DYNC2I1: variants seen among roughly 807,000 people sequenced by gnomAD.
DYNC2I1 encodes the protein cytoplasmic dynein 2 intermediate chain 1.
Under a neutral mutation model 133.4 loss-of-function variants are expected in DYNC2I1, and 89 were observed. The observed-to-expected ratio is 0.67, with a 90% CI of 0.56 to 0.80. The LOEUF (loss-of-function observed/expected upper bound fraction) is 0.80. DYNC2I1 is among the 30% of genes least tolerant of loss of function. The pLI, the probability that DYNC2I1 is intolerant of heterozygous loss-of-function variation, is 0.00. For missense variants in DYNC2I1, 1,291 were observed against 1,314.5 expected, an observed-to-expected ratio of 0.98 and a Z score of 0.28; for synonymous variants, 504 against 484.3, an observed-to-expected ratio of 1.04 and a Z score of -0.54.
At chr7:158,855,735 G>A (rs1281400715), upstream of DYNC2I1, among the ~76,000 whole-genome samples, 4 of 152,128 alleles carry the variant, frequency 2.6e-5, no homozygotes, top group Admixed American at 2.0e-4. Context: ...TTGAAAAGGC[G>A]GTTTCAGGCT....
At chr7:158,877,251 C>T (rs1164200201) in intron 4 of DYNC2I1, among the ~76,000 whole-genome samples, 5 of 146,720 alleles carry the variant, frequency 3.4e-5, no homozygotes, top group African/African-American at 1.3e-4. Flanking sequence ...ATTGGTGTTC[C>T]GCGGCGCGGG....
intron 1 of DYNC2I1, among the ~76,000 whole-genome samples, chr7:158,867,693 T>C (rs1295720062): frequency 1.3e-5 from 2 of 152,002 alleles, no homozygotes; most frequent in Non-Finnish European, 2.9e-5. Context: ...CTCTGAAGGT[T>C]GCGTTGGGCT....
chr7:158,860,319 A>C (rs1332837552), intron 1 of DYNC2I1, among the ~76,000 whole-genome samples: 2 of 152,220 alleles, frequency 1.3e-5, no homozygotes, highest in African/African-American at 4.8e-5. Flanking sequence ...TCAGTCTCCC[A>C]AAGTGCTGGG....
At chr7:158,857,278 C>T (rs1463997128) in intron 1 of DYNC2I1, among the ~76,000 whole-genome samples, 2 of 152,058 alleles carry the variant, frequency 1.3e-5, no homozygotes, top group Non-Finnish European at 2.9e-5. Flanking sequence ...ATAATAGCAA[C>T]ATTATAGGGT....
At chr7:158,900,807 A>G (rs1366324159) in intron 8 of DYNC2I1, among the ~76,000 whole-genome samples, 2 of 142,428 alleles carry the variant, frequency 1.4e-5, no homozygotes, top group East Asian at 4.2e-4. Flanking sequence ...TTGAGGTATC[A>G]TCAAGCACAG....
Position 158,942,145 on chromosome 7 carries a change from A to G in DYNC2I1, c.2999A>G (p.Asn1000Ser), listed in dbSNP as rs749324450. ...GPVAKQQVSPNRLVAMAAVGE... is the reference protein window; with the variant it reads ...GPVAKQQVSPSRLVAMAAVGE... The stretch of plus-strand genomic sequence containing the variant: ...GTCGCCAAACAGCAGGTCTCCCCCA[A>G]CAGGCAAGTGGGGAAGCTCTGGACC... The change falls in exon 24 of 25, where the codon AAC becomes AGC. Residue 1000 changes from asparagine (N) to serine (S), a missense_variant. Physicochemically the swap from Asn to Ser is conservative, Grantham distance 46. Transcript: ENST00000407559. 6.5e-6 allele frequency: 10 copies of G among 1,542,562 alleles called. No individual in the cohort carries two copies. The highest frequency in any genetic ancestry group is 1.2e-5 in the South Asian group (1 of 80,138).
At chr7:158,916,934 G>C (rs71547578) in intron 14 of DYNC2I1, among the ~76,000 whole-genome samples, 11 of 47,546 alleles carry the variant, frequency 2.3e-4, no homozygotes, top group South Asian at 1.2e-3. Context: ...ATTGTGAAAC[G>C]TCTACACGCT....
intron 8 of DYNC2I1, among the ~76,000 whole-genome samples, chr7:158,891,793 A>G (rs1286946277): frequency 6.6e-6 from 1 of 152,240 alleles, no homozygotes; most frequent in African/African-American, 2.4e-5. Context: ...CAAAGTTATA[A>G]ATAATTTTCA....
At chr7:158,928,472 C>T (rs1310263063) in intron 20 of DYNC2I1, among the ~76,000 whole-genome samples, 3 of 152,328 alleles carry the variant, frequency 2.0e-5, no homozygotes, top group East Asian at 3.9e-4. Context: ...CTCTGTGCCC[C>T]GTAGTCACAC....
chr7:158,861,614 G>A lies in DYNC2I1; in HGVS notation c.15+4864G>A, dbSNP rs112173219. 3.5e-4 allele frequency among the ~76,000 whole-genome samples: 54 copies of A among 152,284 alleles called. 1 individual carries two copies. The highest frequency in any genetic ancestry group is 1.1e-3 in the African/African-American group (46 of 41,544). On this transcript the variant is annotated intron_variant, in intron 1 of 24. Transcript: ENST00000407559. ...CGCAGCAGCATTTTAGGCATCTGCC[G>A]CTTTGACGTAGCTTTGACGTAGCAG...
intron 20 of DYNC2I1, among the ~76,000 whole-genome samples, chr7:158,929,678 ATC>A (rs1368555328): frequency 6.6e-6 from 1 of 152,166 alleles, no homozygotes; most frequent in Non-Finnish European, 1.5e-5. Flanking sequence ...GCTTATTTCT[ATC>A]TCCTTTTAAT....
intron 1 of DYNC2I1, among the ~76,000 whole-genome samples, chr7:158,868,572 C>T (rs573300620): frequency 6.6e-6 from 1 of 152,330 alleles, no homozygotes; most frequent in South Asian, 2.1e-4. Flanking sequence ...CAGCAGTGCT[C>T]GGTGTGTGCG....
downstream of DYNC2I1, among the ~76,000 whole-genome samples, chr7:158,949,697 C>T (rs1241141446): frequency 3.3e-5 from 5 of 151,960 alleles, no homozygotes; most frequent in African/African-American, 1.2e-4. Context: ...ATGGGAGGAG[C>T]ATCAAAGGCC....
rs901348354 is a variant in DYNC2I1 at position 158,856,862 on chromosome 7, G to C, written c.15+112G>C. ...CTTTGCGCAGCGGTTCTCTCGGCCG[G>C]GCCGGGGCTTCCCGGAGGAGCCGCG... On this transcript the variant is annotated intron_variant, in intron 1 of 24. Transcript: ENST00000407559. The C allele has an allele frequency of 1.4e-5, 16 of 1,181,344 alleles. No homozygotes were observed. In the African/African-American group the frequency reaches 2.4e-4, roughly 18 times the overall value. 73.2% of individuals were successfully genotyped at this position (1,181,344 alleles called of 1,614,324 possible).
rs1843383621 is a variant in DYNC2I1, at chr7:158,876,634, A to G, written c.516A>G (p.Lys172=). ...TAAGTAAAGTAAGAAGTGAAGAGAA[A>G]GATGAAGACTCTGAAAGAGGAGATG... The part of the protein sequence containing the change: ...RSVSKVRSEE[K]DEDSERGDED... The change falls in exon 4 of 25, where the codon AAA becomes AAG. Residue 172 remains lysine (K), a synonymous_variant. Transcript: ENST00000407559. 1 of 1,582,390 alleles carries G rather than the reference A, an allele frequency of 6.3e-7. No individual in the cohort carries two copies. The highest frequency in any genetic ancestry group is 8.5e-7 in the Non-Finnish European group (1 of 1,170,246).
intron 4 of DYNC2I1, among the ~76,000 whole-genome samples, chr7:158,952,728 C>T (rs1027300921): frequency 2.7e-5 from 4 of 150,790 alleles, no homozygotes; most frequent in Non-Finnish European, 4.4e-5. Flanking sequence ...AGACAGAGTC[C>T]GCACCTTCAT....
At chr7:158,872,907 C>A (rs1479798393) in intron 3 of DYNC2I1, among the ~76,000 whole-genome samples, 1 of 151,666 alleles carries the variant, frequency 6.6e-6, no homozygotes, top group Non-Finnish European at 1.5e-5. Context: ...ATGAGAATCA[C>A]TTGAACCCGG....
chr7:158,890,258 C>T (rs1010100528), intron 7 of DYNC2I1, among the ~76,000 whole-genome samples: 4 of 152,072 alleles, frequency 2.6e-5, no homozygotes, highest in African/African-American at 9.7e-5. Flanking sequence ...TCCGTGCAAC[C>T]TGTAATCAGT....
chr7:158,877,640 A>G (rs193023082), intron 4 of DYNC2I1, among the ~76,000 whole-genome samples: 1 of 152,314 alleles, frequency 6.6e-6, no homozygotes, highest in Admixed American at 6.5e-5. Flanking sequence ...GGCATTTTTA[A>G]AAGCAGGTTT....
Sources: allele counts gnomAD v4.1 joint callset (sites outside exome capture counted in the v4.1 genomes callset), GRCh38; gene constraint gnomAD v4.1.1; transcripts MANE v1.5; gene names NCBI Gene and HGNC (gene_info 2026-07-23, HGNC 2026-07-21).